The following CLEC6A variants were observed in gnomAD, a reference collection of about 807,000 sequenced individuals.
CLEC6A encodes the protein C-type lectin domain containing 6A, also known as C-type lectin domain family 6 member A.
A neutral mutation model predicts 25.7 loss-of-function variants in CLEC6A; 22 were observed. The observed-to-expected ratio is 0.85, with a 90% CI of 0.61 to 1.22. The LOEUF (loss-of-function observed/expected upper bound fraction) is 1.22, where lower values mean the gene tolerates loss of function less well. CLEC6A is among the 50% of genes most tolerant of loss of function. CLEC6A has a pLI of 0.00. For synonymous variants in CLEC6A, 92 were observed against 76.7 expected (o/e 1.20, Z -1.04); for missense variants, 240 against 236.8 (o/e 1.01, Z -0.09).
At chr12:8,472,118 A>T (rs144336501) in intron 4 of CLEC6A, among the ~76,000 whole-genome samples, 48 of 152,180 alleles carry the variant, frequency 3.2e-4, no homozygotes, top group Middle Eastern at 3.4e-3. Context: ...CTTCATACAG[A>T]CCTTCACCAA....
rs529951173 is a variant in CLEC6A, at chr12:8,466,965, A to G, written c.369+1336A>G. 3.0e-4 allele frequency among the ~76,000 whole-genome samples: 46 copies of G among 152,188 alleles called. 1 individual carries two copies. The South Asian group carries it at 9.3e-3, about 31-fold the overall frequency. ...CCTCACCCGACTGGCAACTTTTAAA[A>G]CGTACTGTTGACAATGTGTATATCT... On this transcript the variant is annotated intron_variant, in intron 4 of 5. Transcript: ENST00000382073.
intron 4 of CLEC6A, among the ~76,000 whole-genome samples, chr12:8,472,787 G>A (rs1443351433): frequency 2.6e-5 from 4 of 152,066 alleles, no homozygotes; most frequent in African/African-American, 4.8e-5. Context: ...GAAAGTACAT[G>A]TTCATGTTTG....
At chr12:8,466,776 T>C (rs1939837164) in intron 4 of CLEC6A, among the ~76,000 whole-genome samples, 1 of 151,586 alleles carries the variant, frequency 6.6e-6, no homozygotes, top group Admixed American at 6.6e-5. Context: ...TGCCTCAACC[T>C]CCCGAGTAGC....
intron 4 of CLEC6A, among the ~76,000 whole-genome samples, chr12:8,469,581 AAG>A (rs1431222177): frequency 2.0e-5 from 3 of 152,210 alleles, no homozygotes; most frequent in Non-Finnish European, 4.4e-5. Flanking sequence ...CTGGTATAAA[AAG>A]AGACACATGG....
At chr12:8,471,022 C>A (rs1231577198) in intron 4 of CLEC6A, among the ~76,000 whole-genome samples, 1 of 151,992 alleles carries the variant, frequency 6.6e-6, no homozygotes, top group Non-Finnish European at 1.5e-5. Flanking sequence ...TGTATTTTGT[C>A]AAATGGGTTT....
chr12:8,473,397 G>A (rs376226774), intron 4 of CLEC6A, among the ~76,000 whole-genome samples: 2 of 152,070 alleles, frequency 1.3e-5, no homozygotes, highest in African/African-American at 2.4e-5. Context: ...TTGCTGCAAA[G>A]GACATGATTT....
chr12:8,473,008 T>C (rs1202431793), intron 4 of CLEC6A, among the ~76,000 whole-genome samples: 1 of 3,148 alleles, frequency 3.2e-4, no homozygotes, highest in African/African-American at 5.9e-4. Context: ...TTTTTTTTTT[T>C]TTTTTGAGAC....
intron 3 of CLEC6A, chr12:8,461,190 T>C (rs994004487): frequency 1.8e-5 from 19 of 1,078,110 alleles, no homozygotes; most frequent in Admixed American, 3.5e-5. Flanking sequence ...ATCTGGCAGA[T>C]TGGAGAATGT....
In CLEC6A at chr12:8,460,765, C is replaced by A. The variant is rs370889783; in HGVS notation, c.223+1067C>A. The A allele has an allele frequency of 6.7e-4, 957 of 1,421,416 alleles. 12 individuals carry two copies. The highest frequency in any genetic ancestry group is 1.5e-3 in the Middle Eastern group (7 of 4,758). The allele number at this position is 1,421,416 out of a possible 1,614,324, so 88.1% of individuals were successfully genotyped here. On this transcript the variant is annotated intron_variant, in intron 3 of 5. Transcript: ENST00000382073. The stretch of plus-strand genomic sequence containing the variant: ...CCCCACCTGGCCTGATAAAGCGGGC[C>A]GACTGGGCTACAAGGCCAAACAAGG...
chr12:8,457,837 C>G (rs1177836023), intron 1 of CLEC6A, 61 bp from the exon 2 acceptor site: 1 of 1,195,098 alleles, frequency 8.4e-7, no homozygotes, highest in East Asian at 2.3e-5. Context: ...TGTAAGCTTC[C>G]TGGGGATTTT....
In CLEC6A at chr12:8,473,484, G is replaced by T. The variant is rs114623774; in HGVS notation, c.370-2641G>T. ...TCTTTATCCAATTCACCATTGATAG[G>T]CACCTAGGTCGATTCCATGTTTTTA... is the stretch of plus-strand genomic sequence containing the variant. On this transcript the variant is annotated intron_variant, in intron 4 of 5. Coordinates refer to ENST00000382073, the MANE Select transcript of CLEC6A (RefSeq NM_001007033.2). 3.3e-4 allele frequency among the ~76,000 whole-genome samples: 50 copies of T among 152,134 alleles called. No homozygotes were observed. The South Asian group carries it at 3.5e-3, about 11-fold the overall frequency.
At chr12:8,463,788 A>C (rs1475454373) in intron 3 of CLEC6A, among the ~76,000 whole-genome samples, 1 of 152,252 alleles carries the variant, frequency 6.6e-6, no homozygotes. Context: ...CTACACTTGC[A>C]AAGTAACGTG....
intron 3 of CLEC6A, among the ~76,000 whole-genome samples, chr12:8,463,923 T>C (rs1939796400): frequency 6.6e-6 from 1 of 152,208 alleles, no homozygotes; most frequent in African/African-American, 2.4e-5. Flanking sequence ...GAGCTGGCAA[T>C]TTCACATGTT....
intron 4 of CLEC6A, among the ~76,000 whole-genome samples, chr12:8,472,370 A>G (rs1215503929): frequency 6.6e-6 from 1 of 152,118 alleles, no homozygotes; most frequent in East Asian, 1.9e-4. Context: ...TGTGTTTCCT[A>G]TTAGCAGTCT....
chr12:8,466,544 G>T (rs1031466887), intron 4 of CLEC6A, among the ~76,000 whole-genome samples: 1 of 152,034 alleles, frequency 6.6e-6, no homozygotes, highest in Non-Finnish European at 1.5e-5. Flanking sequence ...GTCAACACTT[G>T]TTATTTTCTG....
intron 4 of CLEC6A, among the ~76,000 whole-genome samples, chr12:8,475,686 A>G (rs1036244881): frequency 6.6e-6 from 1 of 152,110 alleles, no homozygotes; most frequent in African/African-American, 2.4e-5. Flanking sequence ...ATGCATACCC[A>G]CACTGGGGAG....
At chr12:8,474,167 G>A (rs1939941480) in intron 4 of CLEC6A, among the ~76,000 whole-genome samples, 1 of 151,998 alleles carries the variant, frequency 6.6e-6, no homozygotes. Flanking sequence ...CCGGCATGGT[G>A]GTTCCTAGGG....
intron 4 of CLEC6A, among the ~76,000 whole-genome samples, chr12:8,472,931 A>G (rs1939925464): frequency 6.6e-6 from 1 of 151,148 alleles, no homozygotes; most frequent in South Asian, 2.1e-4. Flanking sequence ...CTCCTCTACT[A>G]GTCCCCAGTA....
At chr12:8,470,434 T>C (rs758554408) in intron 4 of CLEC6A, among the ~76,000 whole-genome samples, 1 of 152,250 alleles carries the variant, frequency 6.6e-6, no homozygotes, top group African/African-American at 2.4e-5. Context: ...CTACTGGGTA[T>C]CTACCCAGAG....
Sources: allele counts gnomAD v4.1 joint callset (sites outside exome capture counted in the v4.1 genomes callset), GRCh38; gene constraint gnomAD v4.1.1; transcripts MANE v1.5; gene names NCBI Gene and HGNC (gene_info 2026-07-23, HGNC 2026-07-21).